NPAS3: variants seen among roughly 807,000 people sequenced by gnomAD.
The protein encoded by NPAS3 is neuronal PAS domain-containing protein 3.
Under a neutral mutation model 73.1 loss-of-function variants are expected in NPAS3, and 14 were observed. The observed-to-expected ratio is 0.19, with a 90% CI of 0.13 to 0.30. The LOEUF is 0.30. Among genes scored for constraint, NPAS3 ranks in the 10% least tolerant of loss-of-function variants. NPAS3 has a pLI of 1.00. For synonymous variants in NPAS3, 620 were observed against 541.5 expected (o/e 1.14, Z -2.01); for missense variants, 1,096 against 1,250.0 (o/e 0.88, Z 1.86).
chr14:33,277,047 G>A (rs2041368367), intron 3 of NPAS3, among the ~76,000 whole-genome samples: 1 of 152,068 alleles, frequency 6.6e-6, no homozygotes, highest in Non-Finnish European at 1.5e-5. Flanking sequence ...CATGATAAAT[G>A]CTGCAAAGAA....
At chr14:33,007,873 CTT>C (rs1008466475) in intron 1 of NPAS3, among the ~76,000 whole-genome samples, 1 of 152,130 alleles carries the variant, frequency 6.6e-6, no homozygotes, top group African/African-American at 2.4e-5. Flanking sequence ...TCCAATAAAA[CTT>C]TATTTCCAAA....
rs149812324 is a variant in NPAS3, at chr14:33,324,333, G to C, written c.386-42853G>C. Among the ~76,000 whole-genome samples the C allele has an allele frequency of 1.8e-3, 276 of 152,194 alleles. 1 individual carries two copies. Among genetic ancestry groups the C allele is most frequent in the African/African-American group, 6.3e-3 (260 of 41,512 alleles). ...ACTGCAGATTTAAAATGACAGTCGGGGACCTTCTTGCCAATTTCCCATTAA... is the reference window on the plus strand; with the variant it reads ...ACTGCAGATTTAAAATGACAGTCGGCGACCTTCTTGCCAATTTCCCATTAA... On this transcript the variant is annotated intron_variant, in intron 3 of 11. Coordinates refer to ENST00000356141, the Ensembl canonical transcript of NPAS3.
intron 3 of NPAS3, among the ~76,000 whole-genome samples, chr14:33,362,723 A>T (rs2045661569): frequency 6.6e-6 from 1 of 152,042 alleles, no homozygotes; most frequent in African/African-American, 2.4e-5. Context: ...CGTTCCTGAG[A>T]TACTACCTGC....
chr14:33,331,526 T>A (rs879376870), intron 3 of NPAS3, among the ~76,000 whole-genome samples: 11 of 152,140 alleles, frequency 7.2e-5, no homozygotes, highest in Non-Finnish European at 1.6e-4. Flanking sequence ...GGCTTTTTTT[T>A]CCTGTTGTTT....
intron 4 of NPAS3, among the ~76,000 whole-genome samples, chr14:33,465,631 T>G (rs1357632517): frequency 6.6e-6 from 1 of 152,154 alleles, no homozygotes; most frequent in Non-Finnish European, 1.5e-5. Context: ...AAAAGCTACA[T>G]GTGACCAAAG....
intron 5 of NPAS3, among the ~76,000 whole-genome samples, chr14:33,580,803 C>T (rs2056636170): frequency 6.6e-6 from 1 of 152,054 alleles, no homozygotes; most frequent in African/African-American, 2.4e-5. Flanking sequence ...CCACCGCACC[C>T]CCCTACCCCA....
intron 5 of NPAS3, among the ~76,000 whole-genome samples, chr14:33,624,515 T>C (rs2058168642): frequency 1.3e-5 from 2 of 151,964 alleles, no homozygotes; most frequent in Admixed American, 6.6e-5. Flanking sequence ...GCATAAAGAA[T>C]AAAGAGAACC....
At chr14:33,087,315 C>A (rs1035503395) in intron 2 of NPAS3, among the ~76,000 whole-genome samples, 1 of 146,400 alleles carries the variant, frequency 6.8e-6, no homozygotes, top group Non-Finnish European at 1.5e-5. Flanking sequence ...TTAAAGACTT[C>A]AAGCCTAACA....
At position 32,946,562 on chromosome 14, in the gene NPAS3, C is replaced by A. The variant is rs145806248; in HGVS notation, c.50+7196C>A. ...ATATATGCAAGATCTCAGTAGCAGACAAACATGCCACATTTATCTTTACGT... is the reference window on the plus strand; with the variant it reads ...ATATATGCAAGATCTCAGTAGCAGAAAAACATGCCACATTTATCTTTACGT... On this transcript the variant is annotated intron_variant, in intron 1 of 11. Transcript: ENST00000356141. Among the ~76,000 whole-genome samples the A allele has an allele frequency of 1.1e-3, 171 of 151,902 alleles. No individual in the cohort carries two copies. The East Asian group carries it at 0.015, about 13-fold the overall frequency.
intron 6 of NPAS3, among the ~76,000 whole-genome samples, chr14:33,702,645 TC>T (rs1343918691): frequency 3.9e-5 from 6 of 152,274 alleles, no homozygotes; most frequent in African/African-American, 7.2e-5. Flanking sequence ...ACAGGGGTTA[TC>T]TTTTTAAGAG....
intron 4 of NPAS3, among the ~76,000 whole-genome samples, chr14:33,438,667 A>G (rs1162659132): frequency 6.6e-6 from 1 of 152,222 alleles, no homozygotes; most frequent in Non-Finnish European, 1.5e-5. Flanking sequence ...GAAGGCATCT[A>G]GAATCCATGC....
intron 5 of NPAS3, among the ~76,000 whole-genome samples, chr14:33,650,998 G>T (rs1349001490): frequency 6.6e-6 from 1 of 152,194 alleles, no homozygotes; most frequent in Non-Finnish European, 1.5e-5. Context: ...CTTGGCAAGA[G>T]AAAAGGAAAA....
At chr14:33,415,238 C>G (rs2048099337) in intron 4 of NPAS3, among the ~76,000 whole-genome samples, 1 of 152,090 alleles carries the variant, frequency 6.6e-6, no homozygotes, top group Non-Finnish European at 1.5e-5. Context: ...CTGTTAACCT[C>G]ATGAAGAGAT....
At chr14:33,448,358 A>G (rs2049617962) in intron 4 of NPAS3, among the ~76,000 whole-genome samples, 1 of 152,238 alleles carries the variant, frequency 6.6e-6, no homozygotes, top group Non-Finnish European at 1.5e-5. Flanking sequence ...TCATCTCTCT[A>G]AAAGACAGTC....
intron 2 of NPAS3, among the ~76,000 whole-genome samples, chr14:33,154,494 A>T (rs1346520586): frequency 6.6e-6 from 1 of 152,214 alleles, no homozygotes. Flanking sequence ...TTGCACAGGG[A>T]CAAATGCTTC....
intron 2 of NPAS3, among the ~76,000 whole-genome samples, chr14:33,190,074 C>T (rs1039780627): frequency 9.2e-5 from 14 of 152,124 alleles, no homozygotes; most frequent in Admixed American, 7.2e-4. Context: ...TCCTATAATA[C>T]ATCAAGAAAA....
At chr14:33,154,610 C>T (rs1223473813) in intron 2 of NPAS3, among the ~76,000 whole-genome samples, 2 of 152,146 alleles carry the variant, frequency 1.3e-5, no homozygotes, top group African/African-American at 4.8e-5. Context: ...TTTCAAGATG[C>T]TAAGGATGTT....
At chr14:33,295,579 G>A (rs1474455361) in intron 3 of NPAS3, among the ~76,000 whole-genome samples, 1 of 152,214 alleles carries the variant, frequency 6.6e-6, no homozygotes, top group Non-Finnish European at 1.5e-5. Context: ...CACAGAATAA[G>A]TGTAGGCTCA....
intron 4 of NPAS3, among the ~76,000 whole-genome samples, chr14:33,558,511 T>C (rs2055472977): frequency 6.6e-6 from 1 of 152,122 alleles, no homozygotes; most frequent in Non-Finnish European, 1.5e-5. Flanking sequence ...CTGCCAACCT[T>C]GGCTTCCCAA....
Sources: allele counts gnomAD v4.1 joint callset (sites outside exome capture counted in the v4.1 genomes callset), GRCh38; gene constraint gnomAD v4.1.1; transcripts MANE v1.5; gene names NCBI Gene and HGNC (gene_info 2026-07-23, HGNC 2026-07-21).